Variants in COL2A1 observed in about 807,000 individuals in gnomAD.
COL2A1 encodes the protein collagen type II alpha 1 chain.
In COL2A1, 28 loss-of-function variants were observed where a neutral mutation model predicts 204.5. The ratio of observed to expected loss-of-function variants is 0.14; its 90% CI spans 0.10 to 0.19. COL2A1 has a LOEUF of 0.19. COL2A1 is among the 10% of genes least tolerant of loss of function. COL2A1 has a pLI of 1.00. For missense variants in COL2A1, 1,388 were observed against 2,027.5 expected (o/e 0.68, Z 6.06); for synonymous variants, 708 against 718.7 (o/e 0.99, Z 0.24).
Position 47,976,894 on chromosome 12 carries a change from T to C in COL2A1, c.3353A>G (p.Lys1118Arg), listed in dbSNP as rs774979011. ...CTCGCCAGGCTCTCCAGCCTCTCCT[T>C]TGTCACCTCTGGGGCCTTGAGGACC... ...IQGPQGPRGD[K>R]GEAGEPGERG... The change falls in exon 48 of 54, where the codon AAA becomes AGA. Residue 1118 changes from lysine to arginine, a missense_variant. By Grantham distance (26) the Lys-to-Arg change is conservative (BLOSUM62 2). Transcript: ENST00000380518. The surrounding 1 kb of genome is among the most constrained non-coding windows in gnomAD (Gnocchi z 4.3). 1 of 1,609,472 alleles carries C rather than the reference T, an allele frequency of 6.2e-7. No individual in the cohort carries two copies.
At position 47,996,628 on chromosome 12, in the gene COL2A1, G is replaced by T. The variant is rs755887776; in HGVS notation, c.532-3C>A. On this transcript the variant is annotated splice_polypyrimidine_tract_variant and splice_region_variant and intron_variant, in intron 7 of 53. Transcript: ENST00000380518. ...CCAGCCATCTGGGCAGCAAAGTTCTGCAAAGAAACCCAACAACGTTAGGAG... is the reference window on the plus strand; with the variant it reads ...CCAGCCATCTGGGCAGCAAAGTTCTTCAAAGAAACCCAACAACGTTAGGAG... 4 of 1,614,092 alleles carry T rather than the reference G, an allele frequency of 2.5e-6. No individual in the cohort carries two copies. Among genetic ancestry groups the T allele is most frequent in the Non-Finnish European group, 3.4e-6 (4 of 1,179,962 alleles).
intron 1 of COL2A1, among the ~76,000 whole-genome samples, chr12:48,001,297 G>A (rs1940220156): frequency 6.6e-6 from 1 of 152,282 alleles, no homozygotes; most frequent in Non-Finnish European, 1.5e-5. Context: ...TCTTTAAAGA[G>A]AGTGAAAATC....
chr12:48,003,739 C>G (rs946885978), intron 1 of COL2A1, among the ~76,000 whole-genome samples: 11 of 152,150 alleles, frequency 7.2e-5, no homozygotes, highest in African/African-American at 2.7e-4. Flanking sequence ...TGCTTTGAGC[C>G]CACCAGCCAC....
At chr12:48,004,762 C>T (rs894337421), upstream of COL2A1, among the ~76,000 whole-genome samples, 1 of 152,214 alleles carries the variant, frequency 6.6e-6, no homozygotes, top group Non-Finnish European at 1.5e-5. Flanking sequence ...CGCTGCCCCC[C>T]TCTGACCACA....
At chr12:47,989,035 C>G (rs1483787402) in intron 18 of COL2A1, among the ~76,000 whole-genome samples, 193 bp downstream of exon 18, 7 of 152,252 alleles carry the variant, frequency 4.6e-5, no homozygotes, top group Non-Finnish European at 7.3e-5. Flanking sequence ...TTCTGTCTTA[C>G]TTTCCCTCCA....
intron 1 of COL2A1, 129 bp from the exon 2 acceptor site, chr12:48,000,254 A>T (rs940567830): frequency 1.6e-5 from 11 of 697,894 alleles, no homozygotes; most frequent in Non-Finnish European, 2.6e-5. Flanking sequence ...GGCTGGGGCC[A>T]CCTGGACATA....
At chr12:47,993,896 C>T (rs757809166) in intron 13 of COL2A1, 34 bp from the exon 14 acceptor site, 1 of 1,614,160 alleles carries the variant, frequency 6.2e-7, no homozygotes, top group Non-Finnish European at 8.5e-7. Context: ...AATCAGACTT[C>T]TGGGAAACCC....
At position 47,995,316 on chromosome 12, in the gene COL2A1, CAAAG is replaced by C; in HGVS notation, c.709-12_709-9del. The C allele has an allele frequency of 6.2e-7, 1 of 1,612,472 alleles. No homozygotes were observed. The highest frequency in any genetic ancestry group is 1.1e-5 in the South Asian group (1 of 91,046). ...ACGGGGACCCATGGGACCCTACAAA[CAAAG>C]GAAGATAGTTTAAGAGATGGTTATA... On this transcript the variant is annotated splice_polypyrimidine_tract_variant and intron_variant, in intron 10 of 53. Coordinates refer to ENST00000380518, the MANE Select transcript of COL2A1 (RefSeq NM_001844.5).
intron 6 of COL2A1, 58 bp from the exon 7 acceptor site, chr12:47,997,765 G>C (rs1022015748): frequency 6.2e-7 from 1 of 1,612,900 alleles, no homozygotes; most frequent in African/African-American, 1.3e-5. Context: ...AGAGCCATCT[G>C]TCCCTTGGCT....
intron 1 of COL2A1, among the ~76,000 whole-genome samples, chr12:48,001,738 G>A (rs1202607625): frequency 6.6e-6 from 1 of 152,180 alleles, no homozygotes; most frequent in Non-Finnish European, 1.5e-5. Context: ...TGAAAAGTGG[G>A]ATTAAATGAC....
chr12:47,980,701 C>T lies in COL2A1; in HGVS notation c.2518-40G>A, dbSNP rs781752873. 1.0e-5 allele frequency: 16 copies of T among 1,575,460 alleles called. No individual in the cohort carries two copies. The Admixed American group carries it at 2.8e-4, about 28-fold the overall frequency. ...AGGAAGCAGGTGAATGAGGGGCAGG[C>T]TAAAACCCTGGAGCTCTTCCAGAAG... On this transcript the variant is annotated intron_variant, in intron 38 of 53. Transcript: ENST00000380518. The surrounding 1 kb of genome is among the most constrained non-coding windows in gnomAD (Gnocchi z 4.5).
intron 16 of COL2A1, among the ~76,000 whole-genome samples, chr12:47,992,445 C>T (rs950422049): frequency 1.3e-5 from 2 of 152,146 alleles, no homozygotes; most frequent in Non-Finnish European, 2.9e-5. Context: ...GGTACTATAG[C>T]ATAACATCCC....
chr12:48,004,163 G>C lies in COL2A1; in HGVS notation c.85+74C>G. 3 of 1,184,688 alleles carry C rather than the reference G, an allele frequency of 2.5e-6. No individual in the cohort carries two copies. In the Admixed American group the frequency reaches 5.9e-5, roughly 23 times the overall value. The allele number at this position is 1,184,688 out of a possible 1,614,324, so 73.4% of individuals were successfully genotyped here. ...CCCGGAGCCGCGGGCTCCAGAGCTG[G>C]AGCGGGCCGGGGAGAAGGATGCTGA... On this transcript the variant is annotated intron_variant, in intron 1 of 53. Coordinates refer to ENST00000380518, the MANE Select transcript of COL2A1 (RefSeq NM_001844.5).
Position 47,981,390 on chromosome 12 carries a change from C to T in COL2A1, c.2416G>A (p.Val806Ile). The change falls in exon 37 of 54, where the codon GTT (valine) becomes ATT (isoleucine). Residue 806 changes from valine (V) to isoleucine (I), a missense_variant. Physicochemically the swap from Val to Ile is conservative, Grantham distance 29. Coordinates refer to ENST00000380518, the MANE Select transcript of COL2A1 (RefSeq NM_001844.5). ...PAGANGEKGE[V>I]GPPGPAGSAG... ...CTTCCTGCAGGACCAGGAGGTCCAA[C>T]TTCTCCCTGAGGGTGGGGAAGGGAG... 1.2e-6 allele frequency: 2 copies of T among 1,611,854 alleles called. No individual in the cohort carries two copies. Among genetic ancestry groups the T allele is most frequent in the Non-Finnish European group, 1.7e-6 (2 of 1,179,526 alleles).
chr12:47,995,108 G>A (rs942231831), intron 11 of COL2A1, 147 bp downstream of exon 11: 2 of 713,326 alleles, frequency 2.8e-6, no homozygotes, highest in Non-Finnish European at 5.1e-6. Context: ...ATATAGATAG[G>A]AGATGGCGTC....
At position 48,004,287 on chromosome 12, in the gene COL2A1, A is replaced by G. The variant is rs2136652710; in HGVS notation, c.35T>C (p.Leu12Pro). The G allele has an allele frequency of 6.4e-7, 1 of 1,550,396 alleles. No individual in the cohort carries two copies. The highest frequency in any genetic ancestry group is 8.7e-7 in the Non-Finnish European group (1 of 1,146,490). ...GACAGCGGCGACGAGCAGCGTCAGCAGCACCAGCGTCTGGGGAGCCCCGAG... is the reference window on the plus strand; with the variant it reads ...GACAGCGGCGACGAGCAGCGTCAGCGGCACCAGCGTCTGGGGAGCCCCGAG... Reference protein sequence around the residue: ...IRLGAPQTLVLLTLLVAAVLR... With the variant: ...IRLGAPQTLVPLTLLVAAVLR... Residue 12 changes from leucine to proline, a missense_variant, in exon 1 of 54, where the codon CTG becomes CCG. This residue lies in a region of COL2A1 where 201 missense variants were observed against 242.4 expected (regional missense o/e 0.83). Transcript: ENST00000380518.
At position 47,981,407 on chromosome 12, in the gene COL2A1, G is replaced by A. The variant is rs886049447; in HGVS notation, c.2410-11C>T. Reference sequence around the variant, plus strand: ...AGGTCCAACTTCTCCCTGAGGGTGGGGAAGGGAGGAAGAGCTGGGGTAAGA... The same window carrying A: ...AGGTCCAACTTCTCCCTGAGGGTGGAGAAGGGAGGAAGAGCTGGGGTAAGA... On this transcript the variant is annotated splice_polypyrimidine_tract_variant and intron_variant, in intron 36 of 53. Coordinates refer to ENST00000380518, the MANE Select transcript of COL2A1 (RefSeq NM_001844.5). The A allele has an allele frequency of 1.9e-6, 3 of 1,607,720 alleles. No individual in the cohort carries two copies. Among genetic ancestry groups the A allele is most frequent in the Admixed American group, 3.4e-5 (2 of 59,180 alleles).
chr12:47,983,474 G>A (rs1289656753), intron 30 of COL2A1, 36 bp from the exon 31 acceptor site: 15 of 1,604,568 alleles, frequency 9.3e-6, no homozygotes, highest in Admixed American at 1.7e-5. Context: ...GCAAAGGAGT[G>A]AGTTTGCTGC....
chr12:47,977,985 C>A, intron 44 of COL2A1, 25 bp downstream of exon 44: 2 of 1,602,086 alleles, frequency 1.2e-6, no homozygotes, highest in South Asian at 2.2e-5. Flanking sequence ...CAATCAGGGC[C>A]ACCCCAGGGG....
Sources: allele counts gnomAD v4.1 joint callset (sites outside exome capture counted in the v4.1 genomes callset), GRCh38; gene constraint gnomAD v4.1.1; regional missense constraint gnomAD v4.1.1; non-coding constraint Gnocchi (gnomAD v3.1); transcripts MANE v1.5; gene names NCBI Gene and HGNC (gene_info 2026-07-23, HGNC 2026-07-21).